The following MRTFB variants were observed in gnomAD, a reference collection of about 807,000 sequenced individuals.
MRTFB encodes myocardin-related transcription factor B.
In MRTFB, 29 loss-of-function variants were observed where a neutral mutation model predicts 104.2. That is an observed-to-expected ratio of 0.28 (90% confidence interval 0.21 to 0.38). MRTFB has a LOEUF of 0.38. Among genes scored for constraint, MRTFB ranks in the 10% least tolerant of loss-of-function variants. The probability of loss-of-function intolerance (pLI) is 1.00; values close to 1 mark genes in which losing one functional copy is unlikely to be tolerated. For missense variants in MRTFB, 1,270 were observed against 1,341.6 expected (o/e 0.95, Z 0.83); for synonymous variants, 535 against 519.5 (o/e 1.03, Z -0.41).
intron 8 of MRTFB, 120 bp downstream of exon 8, chr16:14,219,118 A>C: frequency 9.3e-7 from 1 of 1,077,870 alleles, no homozygotes; most frequent in South Asian, 2.7e-5. Context: ...TGATTTATTA[A>C]GCAAAAAGCA....
the MRTFB span, among the ~76,000 whole-genome samples, chr16:14,007,412 C>T: frequency 6.6e-6 from 1 of 152,138 alleles, no homozygotes; most frequent in African/African-American, 2.4e-5. Flanking sequence ...GGGATCAGTT[C>T]TTCATTATTG....
intron 8 of MRTFB, among the ~76,000 whole-genome samples, chr16:14,219,502 TTGAACTAC>T (rs1305646023): frequency 1.3e-5 from 2 of 152,246 alleles, no homozygotes; most frequent in Non-Finnish European, 2.9e-5. Context: ...GTCAAAACTA[TTGAACTAC>T]TTAATGGGAG....
intron 2 of MRTFB, among the ~76,000 whole-genome samples, chr16:14,119,549 A>C (rs1335537024): frequency 6.6e-6 from 1 of 152,168 alleles, no homozygotes; most frequent in Non-Finnish European, 1.5e-5. Flanking sequence ...CTTTGGTTTT[A>C]AATTTTACTA....
the MRTFB span, among the ~76,000 whole-genome samples, chr16:14,031,961 C>A: frequency 2.6e-5 from 4 of 152,212 alleles, no homozygotes; most frequent in Non-Finnish European, 5.9e-5. Flanking sequence ...GCCTTCTCCA[C>A]CATGCCCAGC....
At chr16:14,086,211 T>C (rs564155955) in intron 2 of MRTFB, among the ~76,000 whole-genome samples, 23 of 152,322 alleles carry the variant, frequency 1.5e-4, no homozygotes, top group African/African-American at 4.8e-4. Context: ...ATCCTGTCTT[T>C]TAAGCCTTTC....
intron 2 of MRTFB, among the ~76,000 whole-genome samples, chr16:14,123,511 T>C: frequency 6.6e-6 from 1 of 152,224 alleles, no homozygotes; most frequent in East Asian, 1.9e-4. Flanking sequence ...CTAGCCAGTT[T>C]TCCCAACACC....
At chr16:14,099,661 T>C (rs2035590600) in intron 2 of MRTFB, among the ~76,000 whole-genome samples, 1 of 147,950 alleles carries the variant, frequency 6.8e-6, no homozygotes, top group African/African-American at 2.6e-5. Flanking sequence ...ATTCTGCATC[T>C]TTTCTTTTCT....
Position 14,203,209 on chromosome 16 carries a change from T to C in MRTFB, c.155-7034T>C, listed in dbSNP as rs553160981. Among the ~76,000 whole-genome samples the C allele has an allele frequency of 2.6e-5, 4 of 152,110 alleles. No homozygotes were observed. The South Asian group carries it at 8.3e-4, about 32-fold the overall frequency. On this transcript the variant is annotated intron_variant, in intron 3 of 16. Coordinates refer to ENST00000571589, the MANE Select transcript of MRTFB (RefSeq NM_001308142.2). Reference sequence around the variant, plus strand: ...TCCATTGTCCTGTAATTAAGTAATATACATTGGAGCTTCTCTCTAACTCAC... The same window carrying C: ...TCCATTGTCCTGTAATTAAGTAATACACATTGGAGCTTCTCTCTAACTCAC...
At chr16:14,137,783 G>T (rs898267041) in intron 2 of MRTFB, among the ~76,000 whole-genome samples, 1 of 151,800 alleles carries the variant, frequency 6.6e-6, no homozygotes, top group East Asian at 1.9e-4. Flanking sequence ...CCCTATTTGT[G>T]TCTTCATATT....
intron 10 of MRTFB, 159 bp downstream of exon 10, chr16:14,240,643 A>G (rs2042726129): frequency 8.1e-7 from 1 of 1,240,176 alleles, no homozygotes; most frequent in African/African-American, 1.5e-5. Context: ...TGAAGTCCAC[A>G]TGGTGAGAGT....
At chr16:14,061,484 T>C in the MRTFB span, among the ~76,000 whole-genome samples, 3,615 of 151,488 alleles carry the variant, frequency 0.024, 162 homozygotes, top group African/African-American at 0.083. Context: ...CAGTGAGACT[T>C]AAGAAGCTTG....
intron 2 of MRTFB, among the ~76,000 whole-genome samples, chr16:14,108,751 T>C (rs1164352539): frequency 6.6e-6 from 1 of 152,242 alleles, no homozygotes; most frequent in Non-Finnish European, 1.5e-5. Context: ...AAGCTGTAGT[T>C]ATTGGTGAAC....
intron 15 of MRTFB, among the ~76,000 whole-genome samples, chr16:14,253,462 C>T (rs992852289): frequency 6.6e-6 from 1 of 152,190 alleles, no homozygotes; most frequent in Non-Finnish European, 1.5e-5. Flanking sequence ...GTTGGGGCCA[C>T]ATGGTGGCTG....
intron 10 of MRTFB, among the ~76,000 whole-genome samples, chr16:14,243,817 T>C (rs1195658431): frequency 6.6e-6 from 1 of 151,342 alleles, no homozygotes; most frequent in Non-Finnish European, 1.5e-5. Context: ...CCCTTTTCCA[T>C]GATCATCCTG....
intron 3 of MRTFB, among the ~76,000 whole-genome samples, chr16:14,179,447 AT>A (rs200491798): frequency 6.6e-6 from 1 of 151,714 alleles, no homozygotes; most frequent in African/African-American, 2.4e-5. Flanking sequence ...GATCAAGGAG[AT>A]TTTTTTTTCC....
chr16:14,047,213 A>G, the MRTFB span, among the ~76,000 whole-genome samples: 1 of 152,216 alleles, frequency 6.6e-6, no homozygotes, highest in African/African-American at 2.4e-5. Context: ...CTTAAACCCC[A>G]GGGCTTTATC....
chr16:14,064,960 T>G, the MRTFB span, among the ~76,000 whole-genome samples: 25 of 152,360 alleles, frequency 1.6e-4, no homozygotes, highest in South Asian at 4.1e-4. Context: ...TGGTTCCGTG[T>G]GAATTTTAGA....
chr16:14,036,284 T>G, the MRTFB span, among the ~76,000 whole-genome samples: 1 of 72,356 alleles, frequency 1.4e-5, no homozygotes, highest in African/African-American at 4.4e-5. Flanking sequence ...TTTATATGTA[T>G]TTTATATATA....
chr16:14,082,825 G>C (rs2034489106), intron 2 of MRTFB, among the ~76,000 whole-genome samples: 1 of 151,966 alleles, frequency 6.6e-6, no homozygotes, highest in African/African-American at 2.4e-5. Flanking sequence ...AAAATGACAA[G>C]ATTGCTTTGG....
Sources: allele counts gnomAD v4.1 joint callset (sites outside exome capture counted in the v4.1 genomes callset), GRCh38; gene constraint gnomAD v4.1.1; transcripts MANE v1.5; gene names NCBI Gene and HGNC (gene_info 2026-07-23, HGNC 2026-07-21).